NLGN1: variants seen among roughly 807,000 people sequenced by gnomAD.
NLGN1 encodes neuroligin-1.
In NLGN1, 12 loss-of-function variants were observed where a neutral mutation model predicts 65.5. The observed-to-expected ratio is 0.18, with a 90% confidence interval of 0.12 to 0.30. The LOEUF (loss-of-function observed/expected upper bound fraction) is 0.30. Among genes scored for constraint, NLGN1 ranks in the 10% least tolerant of loss-of-function variants. The probability of loss-of-function intolerance (pLI) is 1.00; values close to 1 mark genes in which losing one functional copy is unlikely to be tolerated. For synonymous variants in NLGN1, 350 were observed against 359.5 expected (o/e 0.97, Z 0.30); for missense variants, 750 against 1,007.1 (o/e 0.74, Z 3.46).
At chr3:173,982,532 C>T (rs80249857) in intron 4 of NLGN1, among the ~76,000 whole-genome samples, 8,491 of 151,820 alleles carry the variant, frequency 0.056, 326 homozygotes, top group Middle Eastern at 0.12. Context: ...ATATCACGGA[C>T]GTAATAAATT....
chr3:174,079,719 GA>G (rs1345421586), intron 4 of NLGN1, among the ~76,000 whole-genome samples: 3 of 152,178 alleles, frequency 2.0e-5, no homozygotes, highest in African/African-American at 7.2e-5. Flanking sequence ...AAAAGAATGA[GA>G]TTATGTCCTT....
At chr3:173,414,891 A>C (rs755940281) in intron 1 of NLGN1, among the ~76,000 whole-genome samples, 46 of 152,352 alleles carry the variant, frequency 3.0e-4, no homozygotes, top group Middle Eastern at 3.4e-3. Flanking sequence ...GAGACAGAGC[A>C]GGGAAGAGGC....
At chr3:173,453,317 T>G (rs1475107768) in intron 2 of NLGN1, among the ~76,000 whole-genome samples, 2 of 151,882 alleles carry the variant, frequency 1.3e-5, no homozygotes, top group Non-Finnish European at 2.9e-5. Context: ...GAGCTGGTCT[T>G]GAATTGCTAG....
intron 4 of NLGN1, among the ~76,000 whole-genome samples, chr3:174,068,202 G>A (rs13062588): frequency 1 from 152,128 of 152,128 alleles, 76,064 homozygotes; most frequent in Non-Finnish European, 1. Context: ...GCTCTGCCTA[G>A]GTACTCTGGG....
chr3:173,515,136 A>G (rs1560368205), intron 2 of NLGN1, among the ~76,000 whole-genome samples: 1 of 152,086 alleles, frequency 6.6e-6, no homozygotes, highest in Non-Finnish European at 1.5e-5. Context: ...CGCAAGGGCA[A>G]CAATTTATCC....
At position 173,504,838 on chromosome 3, in the gene NLGN1, A is replaced by G. The variant is rs146758756; in HGVS notation, c.-321+69760A>G. Among the ~76,000 whole-genome samples the G allele has an allele frequency of 7.4e-4, 112 of 152,164 alleles. 1 individual carries two copies. The highest frequency in any genetic ancestry group is 2.6e-3 in the African/African-American group (110 of 41,534). On this transcript the variant is annotated intron_variant, in intron 2 of 6. Transcript: ENST00000457714. ...TCCTACCATTCCCATTACTTCTTTC[A>G]GAATTCCCTGCAGGCTTGTCCTCTT...
At chr3:173,942,177 G>A (rs1347106712) in intron 4 of NLGN1, among the ~76,000 whole-genome samples, 3 of 150,412 alleles carry the variant, frequency 2.0e-5, no homozygotes, top group Non-Finnish European at 4.4e-5. Flanking sequence ...TATAATATGT[G>A]TATATATATA....
At chr3:173,857,113 A>T (rs1728139611) in intron 4 of NLGN1, among the ~76,000 whole-genome samples, 1 of 152,052 alleles carries the variant, frequency 6.6e-6, no homozygotes, top group Admixed American at 6.6e-5. Flanking sequence ...CACAAAAGGA[A>T]TGCCACCTGG....
At chr3:173,758,760 C>G (rs1392878163) in intron 3 of NLGN1, among the ~76,000 whole-genome samples, 2 of 151,936 alleles carry the variant, frequency 1.3e-5, no homozygotes, top group Non-Finnish European at 2.9e-5. Context: ...AAAAAAATAG[C>G]TAAGCAGTTA....
intron 4 of NLGN1, among the ~76,000 whole-genome samples, chr3:174,127,801 TG>T (rs1410814045): frequency 6.6e-6 from 1 of 152,170 alleles, no homozygotes. Context: ...TTCTAGAATT[TG>T]GGTGCACACT....
At chr3:173,977,921 A>T (rs1717871281) in intron 4 of NLGN1, among the ~76,000 whole-genome samples, 1 of 152,198 alleles carries the variant, frequency 6.6e-6, no homozygotes, top group South Asian at 2.1e-4. Flanking sequence ...GAGAGAGCTG[A>T]GGAGCAACCT....
intron 4 of NLGN1, among the ~76,000 whole-genome samples, chr3:174,024,949 C>T (rs1426525023): frequency 1.3e-5 from 2 of 152,102 alleles, no homozygotes; most frequent in Non-Finnish European, 2.9e-5. Flanking sequence ...AAAAATTAAA[C>T]GTTCACCTCT....
intron 2 of NLGN1, among the ~76,000 whole-genome samples, chr3:173,557,522 G>GT (rs1333054425): frequency 6.6e-6 from 1 of 151,754 alleles, no homozygotes; most frequent in Non-Finnish European, 1.5e-5. Flanking sequence ...TCTTGATTCT[G>GT]TTTTTCTGTG....
chr3:173,402,488 G>C (rs535199106), intron 1 of NLGN1, among the ~76,000 whole-genome samples: 2 of 152,112 alleles, frequency 1.3e-5, no homozygotes, highest in African/African-American at 4.8e-5. Context: ...CCAATTAAAG[G>C]CTTTAACAAA....
At chr3:174,119,186 C>T (rs1717222711) in intron 4 of NLGN1, among the ~76,000 whole-genome samples, 2 of 152,244 alleles carry the variant, frequency 1.3e-5, no homozygotes, top group South Asian at 4.1e-4. Flanking sequence ...AGCACATCAT[C>T]CCATGATTCA....
In NLGN1 at chr3:173,788,206, C is replaced by CAAA. The variant is rs537790655; in HGVS notation, c.494-19455_494-19453dup. Among the ~76,000 whole-genome samples the CAAA allele has an allele frequency of 1.3e-3, 81 of 60,824 alleles. 1 individual carries two copies. Among genetic ancestry groups the CAAA allele is most frequent in the East Asian group, 4.3e-3 (8 of 1,856 alleles). 39.9% of individuals were successfully genotyped at this position (60,824 alleles called of 152,430 possible). On this transcript the variant is annotated intron_variant, in intron 3 of 6. Coordinates refer to ENST00000457714, the Ensembl canonical transcript of NLGN1. ...CTATAAACCCAGACTTGACATTTTG[C>CAAA]AAAAAAAAAAAAAAAAAAAAAGAAA... is the stretch of plus-strand genomic sequence containing the variant.
chr3:173,967,239 A>G (rs1293583506), intron 4 of NLGN1, among the ~76,000 whole-genome samples: 4 of 152,184 alleles, frequency 2.6e-5, no homozygotes, highest in Admixed American at 6.5e-5. Context: ...GCAGTGTGGC[A>G]TAACTTCCGA....
At chr3:173,979,778 G>T (rs758174424) in intron 4 of NLGN1, among the ~76,000 whole-genome samples, 1 of 151,946 alleles carries the variant, frequency 6.6e-6, no homozygotes, top group African/African-American at 2.4e-5. Context: ...TCACCATATC[G>T]TGTTATTGAC....
chr3:173,773,048 T>C (rs1007626434), intron 3 of NLGN1, among the ~76,000 whole-genome samples: 3 of 152,200 alleles, frequency 2.0e-5, no homozygotes, highest in African/African-American at 7.2e-5. Flanking sequence ...TCCAGACATA[T>C]TCACTTTTGG....
Sources: gnomAD v4.1 joint callset for allele counts (sites outside exome capture counted in the v4.1 genomes callset) on GRCh38, gnomAD v4.1.1 for gene constraint, MANE v1.5 for transcripts, NCBI Gene and HGNC (gene_info 2026-07-23, HGNC 2026-07-21) for gene names.